PDE4D: variants seen among roughly 807,000 people sequenced by gnomAD.
The protein encoded by PDE4D is 3',5'-cyclic-AMP phosphodiesterase 4D.
PDE4D carries 24 observed loss-of-function variants against 87.4 expected under a neutral mutation model. The ratio of observed to expected loss-of-function variants is 0.27; its 90% CI spans 0.20 to 0.39. The LOEUF is 0.39. PDE4D is among the 10% of genes least tolerant of loss of function. The pLI is 1.00. For missense variants in PDE4D, 714 were observed against 1,041.0 expected, an observed-to-expected ratio of 0.69 and a Z score of 4.32; for synonymous variants, 384 against 383.2, an observed-to-expected ratio of 1.00 and a Z score of -0.02.
At chr5:59,924,138 T>C (rs1035913037) in intron 3 of PDE4D, among the ~76,000 whole-genome samples, 1 of 152,144 alleles carries the variant, frequency 6.6e-6, no homozygotes, top group African/African-American at 2.4e-5. Context: ...ACAGAATTAG[T>C]GAGCTTAAAG....
At chr5:59,208,307 T>G (rs1183048766) in intron 2 of PDE4D, among the ~76,000 whole-genome samples, 1 of 152,192 alleles carries the variant, frequency 6.6e-6, no homozygotes, top group Non-Finnish European at 1.5e-5. Context: ...ATAGAAACAA[T>G]GAATTACGTA....
intron 3 of PDE4D, among the ~76,000 whole-genome samples, chr5:59,959,759 A>G (rs1759261805): frequency 6.6e-6 from 1 of 152,118 alleles, no homozygotes; most frequent in Non-Finnish European, 1.5e-5. Context: ...AAAACCTAGA[A>G]AATACTCTTC....
At chr5:59,531,819 T>C (rs1162443999) in intron 1 of PDE4D, among the ~76,000 whole-genome samples, 1 of 152,224 alleles carries the variant, frequency 6.6e-6, no homozygotes, top group Non-Finnish European at 1.5e-5. Context: ...TCAAGGTCTG[T>C]GCCCCTAATC....
In PDE4D at chr5:59,215,309, A is replaced by T. The variant is rs181740899; in HGVS notation, c.647+468T>A. ...ACAAAGATTTCTTAAATGATCTGGCAAACCAGTGCTAACATCTGTACATAC... is the reference window on the plus strand; with the variant it reads ...ACAAAGATTTCTTAAATGATCTGGCTAACCAGTGCTAACATCTGTACATAC... On this transcript the variant is annotated intron_variant, in intron 2 of 14. Coordinates refer to ENST00000340635, the MANE Select transcript of PDE4D (RefSeq NM_001104631.2). 1.0e-3 allele frequency: 163 copies of T among 158,704 alleles called. 2 individuals are homozygous for T. The South Asian group carries it at 0.015, about 15-fold the overall frequency. 9.8% of individuals were successfully genotyped at this position (158,704 alleles called of 1,614,324 possible).
At position 58,990,909 on chromosome 5, in the gene PDE4D, T is replaced by A. The variant is rs373307129; in HGVS notation, c.1189-7A>T. On this transcript the variant is annotated splice_polypyrimidine_tract_variant and splice_region_variant and intron_variant, in intron 8 of 14. Coordinates refer to ENST00000340635, the MANE Select transcript of PDE4D (RefSeq NM_001104631.2). ...TGTTCACATCTTCTAGTTCCTGGAG[T>A]GAAAAAAAAAAAAAGATACTAAAAT... 4.6e-5 allele frequency: 64 copies of A among 1,381,074 alleles called. No homozygotes were observed. The Middle Eastern group carries it at 1.1e-3, about 23-fold the overall frequency. The allele number at this position is 1,381,074 out of a possible 1,614,324, so 85.6% of individuals were successfully genotyped here. A position where few individuals can be genotyped will look rare whatever the true frequency, so the allele number is the denominator to read the frequency against.
chr5:59,460,397 T>C (rs1019591882), intron 1 of PDE4D, among the ~76,000 whole-genome samples: 7 of 152,162 alleles, frequency 4.6e-5, no homozygotes, highest in African/African-American at 1.7e-4. Flanking sequence ...GGAAAAGGCA[T>C]TGCAGAAACC....
intron 1 of PDE4D, among the ~76,000 whole-genome samples, chr5:59,507,237 C>A (rs1809419350): frequency 6.6e-6 from 1 of 152,030 alleles, no homozygotes; most frequent in Non-Finnish European, 1.5e-5. Context: ...GAGGCTGAGG[C>A]AGGAGAATTG....
intron 1 of PDE4D, among the ~76,000 whole-genome samples, chr5:59,891,922 C>T (rs1461721768): frequency 1.3e-5 from 2 of 152,164 alleles, no homozygotes; most frequent in Non-Finnish European, 2.9e-5. Flanking sequence ...ACACCCAGAC[C>T]TGATTTACAA....
Position 59,928,636 on chromosome 5 carries a change from C to A in PDE4D, c.272+59852G>T, listed in dbSNP as rs188213524. 3.8e-3 allele frequency among the ~76,000 whole-genome samples: 578 copies of A among 152,120 alleles called. 4 individuals carry two copies. Among genetic ancestry groups the A allele is most frequent in the African/African-American group, 0.012 (500 of 41,518 alleles). ...GTAACTTACTGGTCACCTTCCCCAGCCCCCTGGGTATCTATTTTGTCTTGC... is the reference window on the plus strand; with the variant it reads ...GTAACTTACTGGTCACCTTCCCCAGACCCCTGGGTATCTATTTTGTCTTGC... On this transcript the variant is annotated intron_variant, in intron 3 of 16. Coordinates refer to the PDE4D transcript ENST00000502484.
intron 1 of PDE4D, among the ~76,000 whole-genome samples, chr5:59,620,078 C>T (rs1830170863): frequency 6.6e-6 from 1 of 152,050 alleles, no homozygotes; most frequent in South Asian, 2.1e-4. Flanking sequence ...ACTCAAGGTA[C>T]AGGAGCAGAT....
chr5:59,582,564 T>C (rs1331805599), intron 1 of PDE4D, among the ~76,000 whole-genome samples: 4 of 152,236 alleles, frequency 2.6e-5, no homozygotes, highest in African/African-American at 7.2e-5. Context: ...ATCAATATAC[T>C]GATTTATATC....
At chr5:59,588,989 A>G (rs1309479463) in intron 1 of PDE4D, among the ~76,000 whole-genome samples, 2 of 152,224 alleles carry the variant, frequency 1.3e-5, no homozygotes, top group Admixed American at 6.5e-5. Context: ...ATTATTTAAG[A>G]GCTAGGAACA....
intron 1 of PDE4D, among the ~76,000 whole-genome samples, chr5:59,427,817 CAAAAA>C (rs11356537): frequency 3.0e-5 from 2 of 66,624 alleles, no homozygotes; most frequent in African/African-American, 3.9e-5. Context: ...GACCCTGTCT[CAAAAA>C]AAAAAAAAAA....
chr5:59,467,692 G>T (rs1801784774), intron 1 of PDE4D, among the ~76,000 whole-genome samples: 1 of 152,166 alleles, frequency 6.6e-6, no homozygotes. Context: ...AAATGCCATT[G>T]AAGCATACGT....
At position 59,704,259 on chromosome 5, in the gene PDE4D, C is replaced by G. The variant is rs186254237; in HGVS notation, c.455+188909G>C. 3.0e-3 allele frequency among the ~76,000 whole-genome samples: 453 copies of G among 152,264 alleles called. 2 individuals carry two copies. The highest frequency in any genetic ancestry group is 0.01 in the African/African-American group (422 of 41,548). On this transcript the variant is annotated intron_variant, in intron 1 of 14. Coordinates refer to ENST00000340635, the MANE Select transcript of PDE4D (RefSeq NM_001104631.2). ...AACACAAATATCCTACTTTATTAAA[C>G]TGAAAGCAGAGGACTCTCATCTCCC...
chr5:59,723,439 C>T (rs1326837500), intron 1 of PDE4D, among the ~76,000 whole-genome samples: 1 of 152,196 alleles, frequency 6.6e-6, no homozygotes, highest in Non-Finnish European at 1.5e-5. Context: ...AGAGTAAATG[C>T]TCAAGAAATA....
chr5:59,988,464 G>A lies in PDE4D; in HGVS notation c.272+24C>T, dbSNP rs752043810. The A allele has an allele frequency of 9.0e-6, 13 of 1,445,922 alleles. No individual in the cohort carries two copies. In the South Asian group the frequency reaches 1.4e-4, roughly 16 times the overall value. 89.6% of individuals were successfully genotyped at this position (1,445,922 alleles called of 1,614,324 possible). On this transcript the variant is annotated intron_variant, in intron 3 of 16. Transcript: ENST00000502484. ...ATCACCATCTAAAATATAAAATGGG[G>A]AAATGACATCTGAGGGCACTCACCC...
intron 1 of PDE4D, among the ~76,000 whole-genome samples, chr5:59,535,927 C>G (rs1021560758): frequency 6.6e-6 from 1 of 152,100 alleles, no homozygotes; most frequent in Non-Finnish European, 1.5e-5. Context: ...AATAAAAATT[C>G]TGGAAATGCC....
chr5:60,145,123 A>G (rs1180803266), intron 2 of PDE4D, among the ~76,000 whole-genome samples: 1 of 152,220 alleles, frequency 6.6e-6, no homozygotes, highest in African/African-American at 2.4e-5. Flanking sequence ...ATAGTAGCAT[A>G]TGTTCTTTTC....
Sources: allele counts gnomAD v4.1 joint callset (sites outside exome capture counted in the v4.1 genomes callset), GRCh38; gene constraint gnomAD v4.1.1; transcripts MANE v1.5; gene names NCBI Gene and HGNC (gene_info 2026-07-23, HGNC 2026-07-21).